POLR1A: variants seen among roughly 807,000 people sequenced by gnomAD.
POLR1A encodes the protein RNA polymerase I subunit A, also known as DNA-directed RNA polymerase I subunit RPA1.
In POLR1A, 84 loss-of-function variants were observed where a neutral mutation model predicts 205.3. That is an observed-to-expected ratio of 0.41 (90% CI 0.34 to 0.49). POLR1A has a LOEUF of 0.49. Among genes scored for constraint, POLR1A ranks in the 20% least tolerant of loss-of-function variants. The pLI is 0.22. For missense variants in POLR1A, 1,645 were observed against 2,204.5 expected (o/e 0.75, Z 5.08); for synonymous variants, 799 against 863.7 (o/e 0.93, Z 1.31).
At position 86,077,960 on chromosome 2, in the gene POLR1A, G is replaced by A. The variant is rs776569688; in HGVS notation, c.1279C>T (p.Leu427=). 74 of 1,614,004 alleles carry A rather than the reference G, an allele frequency of 4.6e-5. No individual in the cohort carries two copies. The highest frequency in any genetic ancestry group is 6.1e-5 in the Non-Finnish European group (72 of 1,180,026). ...TTTCCCATCATGTGTTTTCGGAACA[G>A]GCCTTCTTTCTTCTCCAGGATCTTT... The part of the protein sequence containing the change: ...IRQILEKKEG[L]FRKHMMGKRV... Residue 427 remains leucine, a synonymous_variant, in exon 11 of 34, where the codon CTG becomes TTG. Coordinates refer to ENST00000263857, the MANE Select transcript of POLR1A (RefSeq NM_015425.6).
At chr2:86,101,602 AAATT>A (rs1673823450) in intron 1 of POLR1A, among the ~76,000 whole-genome samples, 2 of 152,220 alleles carry the variant, frequency 1.3e-5, no homozygotes, top group Non-Finnish European at 2.9e-5. Context: ...AACATTGAAC[AAATT>A]ACTTACCTTT....
rs1673753576 is a variant in POLR1A at position 86,098,677 on chromosome 2, G to T, written c.366C>A (p.Cys122Ter). ...CCCCGACTTCCAGAACCCTCAGCTG[G>T]CAGAGTAAGAGGTGAATCACGGCCC... ...CPRAVIHLLL[C>*]QLRVLEVGAL... The change falls in exon 3 of 34, where the codon TGC (cysteine) becomes TGA (stop). Residue 122 changes from cysteine (C) to a stop codon, truncating the protein, a stop_gained. Transcript: ENST00000263857. LOFTEE classifies it high-confidence loss of function. 1 of 1,613,384 alleles carries T rather than the reference G, an allele frequency of 6.2e-7. No individual in the cohort carries two copies.
At chr2:86,062,636 A>C (rs890182389) in intron 14 of POLR1A, among the ~76,000 whole-genome samples, 1 of 152,050 alleles carries the variant, frequency 6.6e-6, no homozygotes, top group African/African-American at 2.4e-5. Context: ...TGACTTAAAG[A>C]ACTTAAAGAA....
In POLR1A at chr2:86,028,198, T is replaced by C. The variant is rs1672306199; in HGVS notation, c.4898-149A>G. ...CAGCTCCGCCACCTGCTCACGCTAC[T>C]TAACCCTTCCCCGTGGTCTGGGGCA... On this transcript the variant is annotated intron_variant, in intron 32 of 33. Transcript: ENST00000263857. This position sits in a 1 kb window ranked among gnomAD's most constrained non-coding sequence, Gnocchi z 4.5. The C allele has an allele frequency of 1.4e-6, 1 of 732,040 alleles. No individual in the cohort carries two copies. Among genetic ancestry groups the C allele is most frequent in the African/African-American group, 1.7e-5 (1 of 57,688 alleles). The allele number at this position is 732,040 out of a possible 1,614,324, so 45.3% of individuals were successfully genotyped here. A position where few individuals can be genotyped will look rare whatever the true frequency, so the allele number is the denominator to read the frequency against.
At chr2:86,058,188 C>T (rs2104403246) in intron 14 of POLR1A, among the ~76,000 whole-genome samples, 1 of 152,302 alleles carries the variant, frequency 6.6e-6, no homozygotes, top group South Asian at 2.1e-4. Context: ...GCAAGCTCCA[C>T]CTCCTGGGTT....
chr2:86,047,063 T>C, intron 19 of POLR1A, 102 bp downstream of exon 19: 3 of 729,476 alleles, frequency 4.1e-6, no homozygotes, highest in Non-Finnish European at 7.2e-6. Context: ...TTCCTCTTTT[T>C]ACTTGTCATG....
intron 31 of POLR1A, among the ~76,000 whole-genome samples, chr2:86,029,864 T>G (rs1026119101): frequency 6.6e-6 from 1 of 152,092 alleles, no homozygotes; most frequent in East Asian, 1.9e-4. Flanking sequence ...CCTCCCAAAG[T>G]GCTGGGATTA....
At chr2:86,049,592 G>A (rs962115368) in intron 16 of POLR1A, among the ~76,000 whole-genome samples, 3 of 152,194 alleles carry the variant, frequency 2.0e-5, no homozygotes, top group Non-Finnish European at 4.4e-5. Context: ...TGGATGAATA[G>A]GCTGAAGGTG....
chr2:86,054,063 T>A (rs1250694040), intron 15 of POLR1A, 77 bp downstream of exon 15: 3 of 1,430,500 alleles, frequency 2.1e-6, no homozygotes, highest in Non-Finnish European at 2.9e-6. Context: ...TGTGCCTCCA[T>A]TTCTGTCTCC....
In POLR1A at chr2:86,072,356, C is replaced by A. The variant is rs548432247; in HGVS notation, c.1612-2084G>T. On this transcript the variant is annotated intron_variant, in intron 12 of 33. Transcript: ENST00000263857. ...CAAGCTGAGGTCTTCTTGCTTTAGC[C>A]TCTCAAGGGAGAAACTGCCTAGACC... Among the ~76,000 whole-genome samples, 9 of 152,350 alleles carry A rather than the reference C, an allele frequency of 5.9e-5. No individual in the cohort carries two copies. In the South Asian group the frequency reaches 1.7e-3, roughly 28 times the overall value.
chr2:86,099,734 G>A (rs759373123), intron 2 of POLR1A, among the ~76,000 whole-genome samples: 5 of 152,110 alleles, frequency 3.3e-5, no homozygotes, highest in East Asian at 3.9e-4. Context: ...CCACGCAAAC[G>A]GAATCAGGCT....
chr2:86,096,893 A>G (rs1161515273), intron 3 of POLR1A, among the ~76,000 whole-genome samples: 1 of 152,188 alleles, frequency 6.6e-6, no homozygotes, highest in Non-Finnish European at 1.5e-5. Context: ...AAGCTTCTGC[A>G]CAACAAAGTA....
chr2:86,069,945 C>A, intron 13 of POLR1A, 73 bp downstream of exon 13: 1 of 1,513,676 alleles, frequency 6.6e-7, no homozygotes, highest in Non-Finnish European at 8.9e-7. Flanking sequence ...ACCCCAGGGG[C>A]TGGCAGGGCC....
chr2:86,042,555 G>A (rs565949041), intron 23 of POLR1A, among the ~76,000 whole-genome samples: 29 of 152,326 alleles, frequency 1.9e-4, no homozygotes, highest in Non-Finnish European at 3.8e-4. Context: ...CCTGCTTCCA[G>A]CTCCCAGGTG....
chr2:86,046,828 C>T (rs1672718181), intron 19 of POLR1A, among the ~76,000 whole-genome samples: 3 of 149,150 alleles, frequency 2.0e-5, no homozygotes. Flanking sequence ...GACTTCATCT[C>T]GAAAAAAAAC....
chr2:86,049,179 G>C lies in POLR1A; in HGVS notation c.2456C>G (p.Ser819Cys). 1 of 1,613,790 alleles carries C rather than the reference G, an allele frequency of 6.2e-7. No homozygotes were observed. Among genetic ancestry groups the C allele is most frequent in the Non-Finnish European group, 8.5e-7 (1 of 1,179,694 alleles). ...CCTTACCTGGGGCCCGCAGTGGGTG[G>C]ATTCTTCAATGATACGTTGCCTCTT... ...DVKRQRIIEE[S>C]THCGPQAVRA... is the part of the protein sequence containing the mutation. Residue 819 changes from serine (S) to cysteine (C), a missense_variant, in exon 17 of 34, where the codon TCC becomes TGC. Ser to Cys is a moderately radical substitution (Grantham distance 112). Transcript: ENST00000263857.
At position 86,024,920 on chromosome 2, in the gene POLR1A, T is replaced by A. The variant is rs1257715897; in HGVS notation, c.*2503A>T. On this transcript the variant is annotated 3_prime_UTR_variant, in exon 34 of 34. Transcript: ENST00000263857. ...GGGAGGCTGAGGCAGGCGGATCACC[T>A]GAGATTAGGAGTTCGAGACTAGCCT... 2 of 152,258 alleles carry A rather than the reference T, an allele frequency of 1.3e-5. No homozygotes were observed. Among genetic ancestry groups the A allele is most frequent in the African/African-American group, 2.4e-5 (1 of 41,456 alleles). The allele number at this position is 152,258 out of a possible 1,614,324, so 9.4% of individuals were successfully genotyped here.
rs573284704 is a variant in POLR1A, at chr2:86,049,061, C to T, written c.2476-19G>A. On this transcript the variant is annotated intron_variant, in intron 17 of 33. Transcript: ENST00000263857. Reference sequence around the variant, plus strand: ...TGACAGCCTAGAATGAGAACAGAAACACAGCGGAGGCTGAGGCCAAACGAC... The same window carrying T: ...TGACAGCCTAGAATGAGAACAGAAATACAGCGGAGGCTGAGGCCAAACGAC... 4 of 1,614,184 alleles carry T rather than the reference C, an allele frequency of 2.5e-6. No individual in the cohort carries two copies. In the South Asian group the frequency reaches 4.4e-5, roughly 18 times the overall value.
Position 86,029,498 on chromosome 2 carries a change from AC to A in POLR1A, c.4779+697del, listed in dbSNP as rs1385324773. On this transcript the variant is annotated intron_variant, in intron 31 of 33. Transcript: ENST00000263857. ...GGGACAGGAATGCCAGGGCACCTCT[AC>A]CCCTGGGACCCCCTTTACCAGATAA... Among the ~76,000 whole-genome samples, 12 of 151,966 alleles carry A rather than the reference AC, an allele frequency of 7.9e-5. 1 individual carries two copies. The highest frequency in any genetic ancestry group is 2.7e-4 in the African/African-American group (11 of 41,448).
Sources: allele counts gnomAD v4.1 joint callset (sites outside exome capture counted in the v4.1 genomes callset), GRCh38; gene constraint gnomAD v4.1.1; non-coding constraint Gnocchi (gnomAD v3.1); transcripts MANE v1.5; gene names NCBI Gene and HGNC (gene_info 2026-07-23, HGNC 2026-07-21).